KIAA1549L: variants seen among roughly 807,000 people sequenced by gnomAD.
KIAA1549L encodes KIAA1549 like.
In KIAA1549L, 88 loss-of-function variants were observed where a neutral mutation model predicts 160.7. That is an observed-to-expected ratio of 0.55 (90% CI 0.46 to 0.65). KIAA1549L has a LOEUF of 0.65. Ranked by LOEUF, KIAA1549L falls within the 30% of genes least tolerant of loss-of-function variation. The pLI, the probability that KIAA1549L is intolerant of heterozygous loss-of-function variation, is 0.00. For missense variants in KIAA1549L, 2,258 were observed against 2,437.5 expected (o/e 0.93, Z 1.55); for synonymous variants, 950 against 976.7 (o/e 0.97, Z 0.51).
intron 16 of KIAA1549L, among the ~76,000 whole-genome samples, chr11:33,637,291 C>T (rs7938951): frequency 0.015 from 2,314 of 152,324 alleles, 61 homozygotes; most frequent in African/African-American, 0.054. Flanking sequence ...AATCCAGGCC[C>T]CTGTCATCTC....
Position 33,502,982 on chromosome 11 carries a change from A to T in KIAA1549L, c.239-38820A>T, listed in dbSNP as rs1590293414. Among the ~76,000 whole-genome samples, 4 of 152,336 alleles carry T rather than the reference A, an allele frequency of 2.6e-5. No individual in the cohort carries two copies. In the South Asian group the frequency reaches 8.3e-4, roughly 32 times the overall value. On this transcript the variant is annotated intron_variant, in intron 1 of 20. Coordinates refer to ENST00000658780, the MANE Select transcript of KIAA1549L (RefSeq NM_012194.3). Reference sequence around the variant, plus strand: ...ACGCAAACTTTATATGAAGTATAACATACGTAATAGAAAAATGCACACACT... The same window carrying T: ...ACGCAAACTTTATATGAAGTATAACTTACGTAATAGAAAAATGCACACACT...
chr11:33,408,357 C>T (rs550123175), intron 1 of KIAA1549L, among the ~76,000 whole-genome samples: 14 of 151,838 alleles, frequency 9.2e-5, no homozygotes, highest in African/African-American at 3.4e-4. Context: ...TGGTTTTGGG[C>T]CTATCATGTG....
In KIAA1549L at chr11:33,410,024, T is replaced by C. The variant is rs145270476; in HGVS notation, c.238+33135T>C. Among the ~76,000 whole-genome samples, 414 of 152,336 alleles carry C rather than the reference T, an allele frequency of 2.7e-3. 8 individuals are homozygous for C. Among genetic ancestry groups the C allele is most frequent in the Non-Finnish European group, 3.8e-4 (26 of 68,030 alleles). ...TCTGTTATCACTGCCTTACTTTCTT[T>C]TATTTTTCTTTGTTCATGGCTGTCT... On this transcript the variant is annotated intron_variant, in intron 1 of 20. Coordinates refer to ENST00000658780, the MANE Select transcript of KIAA1549L (RefSeq NM_012194.3).
At chr11:33,615,662 G>C (rs1187026988) in intron 15 of KIAA1549L, among the ~76,000 whole-genome samples, 3 of 151,888 alleles carry the variant, frequency 2.0e-5, no homozygotes, top group Admixed American at 2.0e-4. Context: ...AAGTAGACTG[G>C]TATACACTTC....
At chr11:33,442,204 C>T (rs898026368) in intron 1 of KIAA1549L, among the ~76,000 whole-genome samples, 2 of 152,168 alleles carry the variant, frequency 1.3e-5, no homozygotes, top group African/African-American at 4.8e-5. Context: ...TTGTTTTTGT[C>T]AGGTTTGTCA....
chr11:33,587,825 G>A (rs1424447285), intron 11 of KIAA1549L, among the ~76,000 whole-genome samples: 1 of 152,172 alleles, frequency 6.6e-6, no homozygotes, highest in Non-Finnish European at 1.5e-5. Context: ...TTAGGTTCTT[G>A]GGAAGTCTTA....
intron 1 of KIAA1549L, among the ~76,000 whole-genome samples, chr11:33,478,379 TG>T (rs1341343308): frequency 6.6e-6 from 1 of 152,218 alleles, no homozygotes; most frequent in African/African-American, 2.4e-5. Context: ...AGTTTTGTCT[TG>T]GGGAAAACAC....
intron 10 of KIAA1549L, 106 bp downstream of exon 10, chr11:33,574,979 T>C (rs1855398656): frequency 2.1e-6 from 2 of 966,668 alleles, no homozygotes; most frequent in Admixed American, 4.4e-5. Context: ...GCTAAACATA[T>C]TTGTATTCTG....
intron 1 of KIAA1549L, among the ~76,000 whole-genome samples, chr11:33,451,164 G>T (rs554681153): frequency 6.6e-6 from 1 of 152,346 alleles, no homozygotes; most frequent in African/African-American, 2.4e-5. Flanking sequence ...TAATCTGTTA[G>T]ATGTTCTTTC....
At chr11:33,393,972 C>T (rs751817323) in intron 1 of KIAA1549L, among the ~76,000 whole-genome samples, 1 of 152,180 alleles carries the variant, frequency 6.6e-6, no homozygotes, top group African/African-American at 2.4e-5. Flanking sequence ...ACCTTTTTGA[C>T]CATTCTGCCT....
intron 7 of KIAA1549L, among the ~76,000 whole-genome samples, chr11:33,560,240 T>G (rs1854807536): frequency 6.6e-6 from 1 of 152,158 alleles, no homozygotes. Flanking sequence ...TTAGCCCCAT[T>G]TTGCAGAGGA....
chr11:33,585,957 A>G (rs566701220), intron 11 of KIAA1549L, among the ~76,000 whole-genome samples: 6 of 152,318 alleles, frequency 3.9e-5, no homozygotes, highest in Admixed American at 1.3e-4. Flanking sequence ...GCTGGGCTAC[A>G]TATTTTGATT....
intron 1 of KIAA1549L, among the ~76,000 whole-genome samples, chr11:33,455,191 A>G (rs1200378921): frequency 6.6e-6 from 1 of 152,252 alleles, no homozygotes; most frequent in Non-Finnish European, 1.5e-5. Flanking sequence ...AAGCTTGGTT[A>G]GCTACAAGAC....
At chr11:33,520,848 A>G (rs1786641842) in intron 1 of KIAA1549L, among the ~76,000 whole-genome samples, 1 of 152,070 alleles carries the variant, frequency 6.6e-6, no homozygotes, top group African/African-American at 2.4e-5. Context: ...GAAACCTTGC[A>G]TTGAGTGTTT....
At chr11:33,561,004 C>T (rs185705608) in intron 7 of KIAA1549L, among the ~76,000 whole-genome samples, 201 of 152,248 alleles carry the variant, frequency 1.3e-3, no homozygotes, top group African/African-American at 4.6e-3. Context: ...AAAACAACTA[C>T]GATTTATTGA....
At chr11:33,557,429 C>T (rs573602931) in intron 6 of KIAA1549L, among the ~76,000 whole-genome samples, 1 of 151,578 alleles carries the variant, frequency 6.6e-6, no homozygotes, top group African/African-American at 2.4e-5. Flanking sequence ...AAATGCCTTT[C>T]TTTTTGGTAC....
rs1469393941 is a variant in KIAA1549L, at chr11:33,495,010, C to T, written c.239-46792C>T. 2.6e-5 allele frequency among the ~76,000 whole-genome samples: 4 copies of T among 152,266 alleles called. No individual in the cohort carries two copies. The East Asian group carries it at 7.7e-4, about 29-fold the overall frequency. ...CCTTGTTGTAAACAAGATTCACACA[C>T]GTCTAGGCCTTGGGAATTGTCAAGT... is the stretch of plus-strand genomic sequence containing the variant. On this transcript the variant is annotated intron_variant, in intron 1 of 20. Transcript: ENST00000658780.
chr11:33,380,162 T>A (rs1318852069), intron 1 of KIAA1549L, among the ~76,000 whole-genome samples: 1 of 152,186 alleles, frequency 6.6e-6, no homozygotes, highest in Non-Finnish European at 1.5e-5. Flanking sequence ...CCCCAGGCCC[T>A]CCTCTGCCGG....
chr11:33,533,769 C>T (rs1333977652), intron 1 of KIAA1549L, among the ~76,000 whole-genome samples: 1 of 152,182 alleles, frequency 6.6e-6, no homozygotes, highest in Non-Finnish European at 1.5e-5. Context: ...AGGGATGACT[C>T]ATTTTAACTT....
Sources: allele counts gnomAD v4.1 joint callset (sites outside exome capture counted in the v4.1 genomes callset), GRCh38; gene constraint gnomAD v4.1.1; transcripts MANE v1.5; gene names NCBI Gene and HGNC (gene_info 2026-07-23, HGNC 2026-07-21).